Variants in HECTD4 observed in about 807,000 individuals in gnomAD.
The protein encoded by HECTD4 is HECT domain E3 ubiquitin protein ligase 4, also known as probable E3 ubiquitin-protein ligase HECTD4.
Under a neutral mutation model 471.5 loss-of-function variants are expected in HECTD4, and 114 were observed. The observed-to-expected ratio is 0.24, with a 90% CI of 0.21 to 0.28. The LOEUF (loss-of-function observed/expected upper bound fraction) is 0.28, where lower values mean the gene tolerates loss of function less well. HECTD4 is among the 10% of genes least tolerant of loss of function. The pLI is 1.00. For missense variants in HECTD4, 3,866 were observed against 5,651.5 expected (o/e 0.68, Z 10.13); for synonymous variants, 2,012 against 2,256.0 (o/e 0.89, Z 3.07).
chr12:112,356,318 T>G (rs1008608786), intron 1 of HECTD4, among the ~76,000 whole-genome samples: 3 of 152,154 alleles, frequency 2.0e-5, no homozygotes, highest in African/African-American at 7.2e-5. Flanking sequence ...CACTAAATAA[T>G]TACAGCTATA....
Position 112,339,319 on chromosome 12 carries a change from G to T in HECTD4, c.178-19577C>A, listed in dbSNP as rs559670883. 7.3e-5 allele frequency among the ~76,000 whole-genome samples: 11 copies of T among 150,984 alleles called. 1 individual carries two copies. The East Asian group carries it at 9.7e-4, about 13-fold the overall frequency. On this transcript the variant is annotated intron_variant, in intron 1 of 75. Transcript: ENST00000682272. ...TAACACATGCAGGGTCCAAGAAAAT[G>T]CAAGTCACAAAAAAATACACATGAC... is the stretch of plus-strand genomic sequence containing the variant.
At chr12:112,290,193 T>G (rs2135654593) in intron 7 of HECTD4, among the ~76,000 whole-genome samples, 1 of 151,890 alleles carries the variant, frequency 6.6e-6, no homozygotes, top group East Asian at 2.0e-4. Context: ...AGGTGGTGTG[T>G]GCCTGTGGTC....
chr12:112,357,708 A>G (rs1171340850), intron 1 of HECTD4, among the ~76,000 whole-genome samples: 1 of 152,254 alleles, frequency 6.6e-6, no homozygotes, highest in Non-Finnish European at 1.5e-5. Context: ...CACAAAGATT[A>G]CATAGCATTC....
At position 112,162,898 on chromosome 12, in the gene HECTD4, C is replaced by G; in HGVS notation, c.13120+144G>C. On this transcript the variant is annotated intron_variant, in intron 75 of 75. Transcript: ENST00000682272. The surrounding 1 kb of genome is among the most constrained non-coding windows in gnomAD (Gnocchi z 5.2). ...GCCTGTATGGCTGGTTCCTGCCGGG[C>G]CCTAATCCTCAATGATGTCTGAGTT... The G allele has an allele frequency of 1.5e-6, 1 of 679,248 alleles. No individual in the cohort carries two copies. Among genetic ancestry groups the G allele is most frequent in the Non-Finnish European group, 2.5e-6 (1 of 394,038 alleles). The allele number at this position is 679,248 out of a possible 1,614,324, so 42.1% of individuals were successfully genotyped here.
rs1055883339 is a variant in HECTD4, at chr12:112,243,731, G to A, written c.4680C>T (p.Ser1560=). 1.9e-6 allele frequency: 3 copies of A among 1,613,658 alleles called. No homozygotes were observed. Among genetic ancestry groups the A allele is most frequent in the Non-Finnish European group, 2.5e-6 (3 of 1,179,744 alleles). The part of the protein sequence containing the change: ...RRRHVTSHRS[S]SFTLLQSLAI... Reference sequence around the variant, plus strand: ...CCAGCGACTGCAGGAGTGTAAAGGAGCTGCTGCGGTGGCTGGTCACGTGGC... The same window carrying A: ...CCAGCGACTGCAGGAGTGTAAAGGAACTGCTGCGGTGGCTGGTCACGTGGC... The change falls in exon 31 of 76, where the codon AGC becomes AGT. Residue 1560 remains serine, a synonymous_variant. Transcript: ENST00000682272. This position sits in a 1 kb window ranked among gnomAD's most constrained non-coding sequence, Gnocchi z 6.6.
chr12:112,256,614 G>A, intron 20 of HECTD4, 96 bp from the exon 21 acceptor site: 2 of 775,848 alleles, frequency 2.6e-6, no homozygotes, highest in South Asian at 3.0e-5. Flanking sequence ...ACAGCATGCA[G>A]TATGATAACA....
In HECTD4 at chr12:112,288,165, C is replaced by A. The variant is rs535941930; in HGVS notation, c.1336-4863G>T. Among the ~76,000 whole-genome samples, 9 of 151,280 alleles carry A rather than the reference C, an allele frequency of 5.9e-5. No individual in the cohort carries two copies. In the South Asian group the frequency reaches 1.9e-3, roughly 32 times the overall value. Reference sequence around the variant, plus strand: ...CCAACGTGGTTAAACCCCATCTCTACTAAAAATACAAAATTAGCTAGGTGT... The same window carrying A: ...CCAACGTGGTTAAACCCCATCTCTAATAAAAATACAAAATTAGCTAGGTGT... On this transcript the variant is annotated intron_variant, in intron 7 of 75. Coordinates refer to ENST00000682272, the MANE Select transcript of HECTD4 (RefSeq NM_001388303.1).
chr12:112,187,861 C>A (rs1451428061), intron 60 of HECTD4, among the ~76,000 whole-genome samples: 1 of 144,464 alleles, frequency 6.9e-6, no homozygotes, highest in Middle Eastern at 4.2e-3. Flanking sequence ...CTCCTGACCT[C>A]GTGATCCGCC....
chr12:112,341,482 A>G (rs2036053433), intron 1 of HECTD4, among the ~76,000 whole-genome samples: 1 of 152,214 alleles, frequency 6.6e-6, no homozygotes, highest in Non-Finnish European at 1.5e-5. Flanking sequence ...TCTAAGAAAC[A>G]TAAGAAAGGT....
At position 112,228,675 on chromosome 12, in the gene HECTD4, A is replaced by G. The variant is rs2033300681; in HGVS notation, c.6656T>C (p.Leu2219Ser). Residue 2219 changes from leucine to serine, a missense_variant, in exon 42 of 76, where the codon TTG (leucine) becomes TCG (serine). Physicochemically the swap from Leu to Ser is moderately radical, Grantham distance 145. This residue lies in a region of HECTD4 where 617 missense variants were observed against 915.1 expected (regional missense o/e 0.67). Coordinates refer to ENST00000682272, the MANE Select transcript of HECTD4 (RefSeq NM_001388303.1). This position sits in a 1 kb window ranked among gnomAD's most constrained non-coding sequence, Gnocchi z 4.9. ...SQASDTLTIP[L>S]SRLCVPRSEA... ...TGATCTTGGAACACAAAGTCTAGAC[A>G]ATGGAATAGTCAATGTGTCTGACGC... is the stretch of plus-strand genomic sequence containing the variant. 6.2e-7 allele frequency: 1 copy of G among 1,609,402 alleles called. No individual in the cohort carries two copies. Among genetic ancestry groups the G allele is most frequent in the East Asian group, 2.2e-5 (1 of 44,870 alleles).
intron 47 of HECTD4, 128 bp downstream of exon 47, chr12:112,216,645 G>T: frequency 8.9e-7 from 1 of 1,129,246 alleles, no homozygotes; most frequent in Non-Finnish European, 1.3e-6. Flanking sequence ...CTCCAGAAAG[G>T]AAAAATAATG....
intron 1 of HECTD4, among the ~76,000 whole-genome samples, chr12:112,372,259 TA>T: frequency 6.6e-6 from 1 of 151,778 alleles, no homozygotes; most frequent in South Asian, 2.1e-4. Context: ...CACGCCCCGC[TA>T]ATTTTTTTTA....
chr12:112,259,323 C>A lies in HECTD4; in HGVS notation c.2874-58G>T, dbSNP rs952835762. 1.7e-5 allele frequency: 26 copies of A among 1,558,466 alleles called. No individual in the cohort carries two copies. In the African/African-American group the frequency reaches 3.4e-4, roughly 20 times the overall value. On this transcript the variant is annotated intron_variant, in intron 18 of 75. Coordinates refer to ENST00000682272, the MANE Select transcript of HECTD4 (RefSeq NM_001388303.1). ...AGCAATGCCCAAACATGTGAAGAAG[C>A]ACTAATGTCATCTTTATCTGACAAT...
At position 112,160,241 on chromosome 12, in the gene HECTD4, AT is replaced by A. The variant is rs1482708141; in HGVS notation, c.*2145del. The stretch of plus-strand genomic sequence containing the variant: ...CCTAGCCACTTGGCAGCACTTAAAT[AT>A]CAGAGCCATCCAAGCATGCCAGCCT... On this transcript the variant is annotated 3_prime_UTR_variant, in exon 76 of 76. Coordinates refer to ENST00000682272, the MANE Select transcript of HECTD4 (RefSeq NM_001388303.1). 6.6e-6 allele frequency: 1 copy of A among 152,212 alleles called. No individual in the cohort carries two copies. Among genetic ancestry groups the A allele is most frequent in the Non-Finnish European group, 1.5e-5 (1 of 68,032 alleles). 9.4% of individuals were successfully genotyped at this position (152,212 alleles called of 1,614,324 possible).
chr12:112,245,376 T>C (rs963180250), intron 29 of HECTD4, among the ~76,000 whole-genome samples: 3 of 152,248 alleles, frequency 2.0e-5, no homozygotes, highest in Admixed American at 6.5e-5. Flanking sequence ...TTTTTGAAGA[T>C]ACTGTTATCT....
Position 112,230,723 on chromosome 12 carries a change from T to G in HECTD4, c.6300A>C (p.Ser2100=), listed in dbSNP as rs1355295309. The G allele has an allele frequency of 4.3e-6, 7 of 1,611,212 alleles. No individual in the cohort carries two copies. The highest frequency in any genetic ancestry group is 5.9e-6 in the Non-Finnish European group (7 of 1,178,688). ...LLHSLLMAPE[S]NAAQIWTTTA... ...TTGTGGTCCATATTTGAGCAGCATTTGATTCAGGTGCCATGAGCAAGCTAT... is the reference window on the plus strand; with the variant it reads ...TTGTGGTCCATATTTGAGCAGCATTGGATTCAGGTGCCATGAGCAAGCTAT... Residue 2100 remains serine, a synonymous_variant, in exon 40 of 76, where the codon TCA becomes TCC. Coordinates refer to ENST00000682272, the MANE Select transcript of HECTD4 (RefSeq NM_001388303.1).
chr12:112,250,910 TCCACATAAAG>T, intron 24 of HECTD4, 51 bp downstream of exon 24: 1 of 1,476,770 alleles, frequency 6.8e-7, no homozygotes, highest in South Asian at 1.4e-5. Flanking sequence ...AAAGGATTTT[TCCACATAAAG>T]TCCTTTTTCC....
At chr12:112,279,863 T>C (rs1411629411) in intron 8 of HECTD4, among the ~76,000 whole-genome samples, 3 of 152,234 alleles carry the variant, frequency 2.0e-5, no homozygotes, top group South Asian at 4.1e-4. Flanking sequence ...GCATTCCTAA[T>C]TGAAAAATCC....
intron 1 of HECTD4, among the ~76,000 whole-genome samples, chr12:112,380,371 G>C (rs956792701): frequency 4.6e-5 from 7 of 152,002 alleles, no homozygotes; most frequent in Admixed American, 3.3e-4. Context: ...TTTGAATCCG[G>C]GAGGCAGAGG....
Sources: gnomAD v4.1 joint callset for allele counts (sites outside exome capture counted in the v4.1 genomes callset) on GRCh38, gnomAD v4.1.1 for gene constraint, gnomAD v4.1.1 regional missense constraint, Gnocchi (gnomAD v3.1) non-coding constraint, MANE v1.5 for transcripts, NCBI Gene and HGNC (gene_info 2026-07-23, HGNC 2026-07-21) for gene names.